The following SPMAP2L variants were observed in gnomAD, a reference collection of about 807,000 sequenced individuals.
SPMAP2L encodes the protein sperm microtubule associated protein 2 like.
At chr4:56,533,142 C>T in the SPMAP2L span, among the ~76,000 whole-genome samples, 604 of 152,290 alleles carry the variant, frequency 4.0e-3, 12 homozygotes, top group Non-Finnish European at 4.4e-3. Context: ...CGAACCCTTG[C>T]CTGCACTTGG....
chr4:56,600,999 T>C, the SPMAP2L span: 1 of 1,535,476 alleles, frequency 6.5e-7, no homozygotes, highest in South Asian at 1.2e-5. Context: ...AGTCCAAGTC[T>C]GTTCATCAAG....
the SPMAP2L span, chr4:56,603,406 C>A: frequency 2.1e-6 from 2 of 963,714 alleles, no homozygotes; most frequent in Non-Finnish European, 2.9e-6. Context: ...GCGGTACTGT[C>A]AGTTTACATT....
At chr4:56,543,875 T>TGAGA in the SPMAP2L span, among the ~76,000 whole-genome samples, 40 of 121,412 alleles carry the variant, frequency 3.3e-4, no homozygotes, top group Non-Finnish European at 5.6e-4. Context: ...TAGCATATAT[T>TGAGA]GAGAGAGAGA....
At chr4:56,559,326 T>TGG in the SPMAP2L span, 2 of 1,129,192 alleles carry the variant, frequency 1.8e-6, no homozygotes, top group Non-Finnish European at 2.2e-6. Flanking sequence ...AAAAAAAGAG[T>TGG]CATTTTTTAT....
chr4:56,592,441 A>G, the SPMAP2L span, among the ~76,000 whole-genome samples: 1 of 152,226 alleles, frequency 6.6e-6, no homozygotes, highest in East Asian at 1.9e-4. Flanking sequence ...TAAGTTCTTG[A>G]AAAGCTACGT....
chr4:56,535,798 T>C, the SPMAP2L span, among the ~76,000 whole-genome samples: 1 of 152,196 alleles, frequency 6.6e-6, no homozygotes, highest in Non-Finnish European at 1.5e-5. Flanking sequence ...GCAGTTCTCT[T>C]GCTCTCAACC....
the SPMAP2L span, among the ~76,000 whole-genome samples, chr4:56,623,387 C>T: frequency 6.6e-6 from 1 of 152,314 alleles, no homozygotes; most frequent in South Asian, 2.1e-4. Context: ...AGCAAAAAAA[C>T]ACTTTCAAGC....
the SPMAP2L span, among the ~76,000 whole-genome samples, chr4:56,601,503 A>G: frequency 6.6e-6 from 1 of 152,182 alleles, no homozygotes; most frequent in Non-Finnish European, 1.5e-5. Flanking sequence ...TCATACTAGT[A>G]ATCCCAACAC....
chr4:56,584,464 GT>G, the SPMAP2L span: 1 of 1,397,608 alleles, frequency 7.2e-7, no homozygotes, highest in African/African-American at 1.4e-5. Flanking sequence ...CCATCCAACA[GT>G]TATAATATTT....
At chr4:56,575,418 A>G in the SPMAP2L span, 3 of 1,397,456 alleles carry the variant, frequency 2.1e-6, no homozygotes, top group Non-Finnish European at 1.9e-6. Flanking sequence ...CTGCTCCCCT[A>G]GGCCTGGGGA....
the SPMAP2L span, among the ~76,000 whole-genome samples, chr4:56,606,262 A>G: frequency 3.9e-5 from 6 of 152,184 alleles, no homozygotes; most frequent in African/African-American, 9.6e-5. Flanking sequence ...TGATTTTTGG[A>G]TCACTCTGAA....
At chr4:56,535,916 G>T in the SPMAP2L span, among the ~76,000 whole-genome samples, 31 of 152,222 alleles carry the variant, frequency 2.0e-4, no homozygotes, top group Non-Finnish European at 3.7e-4. Context: ...TTTTCAAGGG[G>T]TGGGGGGAAC....
the SPMAP2L span, among the ~76,000 whole-genome samples, chr4:56,582,423 A>G: frequency 6.6e-6 from 1 of 152,238 alleles, no homozygotes; most frequent in Non-Finnish European, 1.5e-5. Flanking sequence ...AAAAAGATAT[A>G]CAAATAGACA....
the SPMAP2L span, among the ~76,000 whole-genome samples, chr4:56,565,869 A>T: frequency 9.2e-5 from 14 of 152,250 alleles, no homozygotes; most frequent in Non-Finnish European, 1.5e-4. Flanking sequence ...CATTGGTAAC[A>T]TATGTTTTAC....
the SPMAP2L span, among the ~76,000 whole-genome samples, chr4:56,608,060 T>C: frequency 6.7e-6 from 1 of 148,732 alleles, no homozygotes; most frequent in Non-Finnish European, 1.5e-5. Context: ...TTTAGTGAAG[T>C]GTCAGATGGA....
At chr4:56,579,259 C>A in the SPMAP2L span, among the ~76,000 whole-genome samples, 1 of 152,120 alleles carries the variant, frequency 6.6e-6, no homozygotes, top group African/African-American at 2.4e-5. Context: ...CATAGAAAAT[C>A]AATTCTCTGA....
chr4:56,622,612 A>G, the SPMAP2L span, among the ~76,000 whole-genome samples: 1 of 152,192 alleles, frequency 6.6e-6, no homozygotes, highest in South Asian at 2.1e-4. Flanking sequence ...TTTTGTTCTG[A>G]GAACATACAG....
chr4:56,608,933 G>A, the SPMAP2L span, among the ~76,000 whole-genome samples: 1 of 152,014 alleles, frequency 6.6e-6, no homozygotes, highest in Non-Finnish European at 1.5e-5. Context: ...TGTTTGCCTT[G>A]TTGGGTTTTG....
At chr4:56,608,512 C>A in the SPMAP2L span, among the ~76,000 whole-genome samples, 54 of 152,290 alleles carry the variant, frequency 3.5e-4, 1 homozygote, top group African/African-American at 1.3e-3. Context: ...GTGCCAGGCC[C>A]TTGAGGACAG....
Sources: gnomAD v4.1 joint callset for allele counts (sites outside exome capture counted in the v4.1 genomes callset) on GRCh38, gnomAD v4.1.1 for gene constraint, MANE v1.5 for transcripts, NCBI Gene and HGNC (gene_info 2026-07-23, HGNC 2026-07-21) for gene names.